Variants in ATP6V1B1 observed in about 807,000 individuals in gnomAD.
The protein encoded by ATP6V1B1 is ATPase H+ transporting V1 subunit B1, also known as V-type proton ATPase subunit B, kidney isoform.
ATP6V1B1 carries 41 observed loss-of-function variants against 62.1 expected under a neutral mutation model. That is an observed-to-expected ratio of 0.66 (90% CI 0.51 to 0.86). The LOEUF (loss-of-function observed/expected upper bound fraction) is 0.86, where lower values mean the gene tolerates loss of function less well. ATP6V1B1 is among the 40% of genes least tolerant of loss of function. The pLI is 0.00. For synonymous variants in ATP6V1B1, 253 were observed against 273.4 expected (o/e 0.93, Z 0.74); for missense variants, 651 against 697.5 (o/e 0.93, Z 0.75).
intron 1 of ATP6V1B1, chr2:70,941,783 C>T (rs782800018): frequency 4.1e-5 from 40 of 985,696 alleles, no homozygotes; most frequent in South Asian, 4.7e-5. Flanking sequence ...GGCCAAACCT[C>T]GAAGTCCTCC....
chr2:70,937,504 G>A (rs7588170), intron 1 of ATP6V1B1, among the ~76,000 whole-genome samples: 50,173 of 151,802 alleles, frequency 0.33, 8,339 homozygotes, highest in Middle Eastern at 0.38. Context: ...TAGGAGGTCC[G>A]GATACTCCCT....
chr2:70,954,079 T>C (rs1680379299), intron 2 of ATP6V1B1, among the ~76,000 whole-genome samples: 1 of 152,194 alleles, frequency 6.6e-6, no homozygotes, highest in Admixed American at 6.5e-5. Flanking sequence ...AAAAAACCAA[T>C]TGGCTTTGTT....
At chr2:70,956,078 C>A in intron 2 of ATP6V1B1, 1 of 210,020 alleles carries the variant, frequency 4.8e-6, no homozygotes, top group Admixed American at 4.7e-5. Flanking sequence ...TTGTTCTCAG[C>A]AAACTGATCT....
At chr2:70,954,115 T>C (rs1553418675) in intron 2 of ATP6V1B1, among the ~76,000 whole-genome samples, 1 of 152,196 alleles carries the variant, frequency 6.6e-6, no homozygotes, top group African/African-American at 2.4e-5. Flanking sequence ...ATATTTGTTT[T>C]CTGTTTTAAT....
At chr2:70,960,105 G>A (rs782576953) in intron 6 of ATP6V1B1, 27 bp downstream of exon 6, 1 of 1,613,720 alleles carries the variant, frequency 6.2e-7, no homozygotes, top group Admixed American at 1.7e-5. Flanking sequence ...CAGCAGGCAT[G>A]GCTGGGGGAG....
rs879967148 is a variant in ATP6V1B1, at chr2:70,935,983, G to A, written c.29G>A (p.Gly10Glu). The change falls in exon 1 of 14, where the codon GGG becomes GAG. Residue 10 changes from glycine to glutamate, a missense_variant. By Grantham distance (98) the Gly-to-Glu change is moderately conservative (BLOSUM62 -2). Transcript: ENST00000234396. The part of the protein sequence containing the change: MAMEIDSRP[G>E]GLPGSSCNLG... ...GCCATGGAGATAGACAGCAGGCCTG[G>A]GGGGCTCCCCGGCAGTAGCTGCAAC... is the stretch of plus-strand genomic sequence containing the variant. The A allele has an allele frequency of 1.6e-5, 26 of 1,613,948 alleles. No individual in the cohort carries two copies. The highest frequency in any genetic ancestry group is 2.2e-5 in the Non-Finnish European group (26 of 1,179,902).
At chr2:70,964,609 T>C in intron 12 of ATP6V1B1, 67 bp downstream of exon 12, 1 of 1,610,324 alleles carries the variant, frequency 6.2e-7, no homozygotes, top group Non-Finnish European at 8.5e-7. Flanking sequence ...CTGAGCCCCA[T>C]CTGAAGGACA....
rs745474183 is a variant in ATP6V1B1 at position 70,965,102 on chromosome 2, C to A, written c.1523C>A (p.Ala508Glu). The A allele has an allele frequency of 1.9e-6, 3 of 1,611,630 alleles. No homozygotes were observed. Among genetic ancestry groups the A allele is most frequent in the South Asian group, 1.1e-5 (1 of 91,070 alleles). Reference protein sequence around the residue: ...YSREGALQDLAPDTAL With the variant: ...YSREGALQDLEPDTAL ...CGCGAGGGGGCGCTGCAGGACCTCG[C>A]GCCTGACACTGCGCTCTAGCCCCGC... is the stretch of plus-strand genomic sequence containing the variant. Residue 508 changes from alanine (A) to glutamate (E), a missense_variant, in exon 14 of 14, where the codon GCG becomes GAG. By Grantham distance (107) the Ala-to-Glu change is moderately radical. Coordinates refer to ENST00000234396, the MANE Select transcript of ATP6V1B1 (RefSeq NM_001692.4).
At chr2:70,961,522 G>C in intron 7 of ATP6V1B1, 74 bp from the exon 8 acceptor site, 1 of 1,479,354 alleles carries the variant, frequency 6.8e-7, no homozygotes, top group Non-Finnish European at 9.4e-7. Context: ...CTTTCCTGAG[G>C]ACACCTGGGA....
intron 8 of ATP6V1B1, 127 bp downstream of exon 8, chr2:70,961,820 C>T (rs1268510661): frequency 2.1e-6 from 2 of 937,008 alleles, no homozygotes; most frequent in Non-Finnish European, 3.4e-6. Flanking sequence ...GAGAACAACC[C>T]TCATTGTGTA....
intron 2 of ATP6V1B1, among the ~76,000 whole-genome samples, chr2:70,951,190 G>T (rs1453897438): frequency 1.3e-5 from 2 of 151,966 alleles, no homozygotes; most frequent in African/African-American, 4.8e-5. Context: ...TGATCTGCCC[G>T]CCTCGGCCTC....
intron 2 of ATP6V1B1, 86 bp downstream of exon 2, chr2:70,943,799 C>G: frequency 6.4e-7 from 1 of 1,550,746 alleles, no homozygotes; most frequent in South Asian, 1.1e-5. Flanking sequence ...TCTAAATTAC[C>G]CTTTCCCTCC....
Position 70,936,079 on chromosome 2 carries a change from A to G in ATP6V1B1, c.118+7A>G, listed in dbSNP as rs1452632386. 3 of 1,613,246 alleles carry G rather than the reference A, an allele frequency of 1.9e-6. No homozygotes were observed. Among genetic ancestry groups the G allele is most frequent in the East Asian group, 4.5e-5 (2 of 44,850 alleles). ...ATCACCCACCCCCGTGTCAGTGAGT[A>G]GCCCCTCCACCGTGACGGGTGAGGT... On this transcript the variant is annotated splice_region_variant and intron_variant, in intron 1 of 13. Transcript: ENST00000234396.
At chr2:70,942,489 G>A (rs1419796481) in intron 1 of ATP6V1B1, 4 of 398,322 alleles carry the variant, frequency 1.0e-5, no homozygotes, top group Non-Finnish European at 1.8e-5. Context: ...CACATATCCA[G>A]ACTGGGAAGG....
chr2:70,962,797 C>G lies in ATP6V1B1; in HGVS notation c.806C>G (p.Pro269Arg). ...NDPTIERIIT[P>R]RLALTTAEFL... ...TCCAGGATCGAGCGGATCATCACCC[C>G]GCGCCTGGCGCTGACCACTGCTGAA... Residue 269 changes from proline (P) to arginine (R), a missense_variant, in exon 9 of 14, where the codon CCG becomes CGG. By Grantham distance (103) the Pro-to-Arg change is moderately radical. Coordinates refer to ENST00000234396, the MANE Select transcript of ATP6V1B1 (RefSeq NM_001692.4). 1 of 1,614,064 alleles carries G rather than the reference C, an allele frequency of 6.2e-7. No homozygotes were observed. Among genetic ancestry groups the G allele is most frequent in the Non-Finnish European group, 8.5e-7 (1 of 1,180,006 alleles).
intron 7 of ATP6V1B1, 135 bp from the exon 8 acceptor site, chr2:70,961,461 A>C: frequency 2.2e-6 from 2 of 901,462 alleles, no homozygotes; most frequent in Non-Finnish European, 3.6e-6. Flanking sequence ...GGGTCACCCC[A>C]TGGCCTTGGT....
At chr2:70,941,679 G>GCATC (rs1296901046) in intron 1 of ATP6V1B1, 5 of 956,462 alleles carry the variant, frequency 5.2e-6, no homozygotes, top group East Asian at 2.3e-4. Context: ...TACATAGAAG[G>GCATC]CATCCATGCA....
chr2:70,964,498 G>A lies in ATP6V1B1; in HGVS notation c.1204G>A (p.Glu402Lys). The part of the protein sequence containing the change: ...LSRLMKSAIG[E>K]GMTRKDHGDV... Reference sequence around the variant, plus strand: ...GCGGCTGATGAAGTCAGCCATTGGGGAAGGCATGACAAGAAAGGACCATGG... The same window carrying A: ...GCGGCTGATGAAGTCAGCCATTGGGAAAGGCATGACAAGAAAGGACCATGG... Residue 402 changes from glutamate to lysine, a missense_variant, in exon 12 of 14, where the codon GAA becomes AAA. Transcript: ENST00000234396. 2 of 1,614,152 alleles carry A rather than the reference G, an allele frequency of 1.2e-6. No homozygotes were observed. The highest frequency in any genetic ancestry group is 1.3e-5 in the African/African-American group (1 of 75,022).
chr2:70,961,561 G>A (rs1680587728), intron 7 of ATP6V1B1, 35 bp from the exon 8 acceptor site: 2 of 1,608,460 alleles, frequency 1.2e-6, no homozygotes, highest in Non-Finnish European at 1.7e-6. Context: ...CAGGCCACAG[G>A]GCCCTACCTC....
Sources: allele counts gnomAD v4.1 joint callset (sites outside exome capture counted in the v4.1 genomes callset), GRCh38; gene constraint gnomAD v4.1.1; transcripts MANE v1.5; gene names NCBI Gene and HGNC (gene_info 2026-07-23, HGNC 2026-07-21).